Variants in ZNF236 observed in about 807,000 individuals in gnomAD.
ZNF236 encodes the protein zinc finger protein 236.
ZNF236 carries 50 observed loss-of-function variants against 191.2 expected under a neutral mutation model. The ratio of observed to expected loss-of-function variants is 0.26; its 90% CI spans 0.21 to 0.33. The LOEUF (loss-of-function observed/expected upper bound fraction) is 0.33. Among genes scored for constraint, ZNF236 ranks in the 10% least tolerant of loss-of-function variants. The pLI, the probability that ZNF236 is intolerant of heterozygous loss-of-function variation, is 1.00. For synonymous variants in ZNF236, 907 were observed against 928.8 expected (o/e 0.98, Z 0.43); for missense variants, 1,754 against 2,374.5 (o/e 0.74, Z 5.43).
chr18:76,961,842 G>A (rs566362444), intron 30 of ZNF236, among the ~76,000 whole-genome samples: 3 of 152,012 alleles, frequency 2.0e-5, no homozygotes, highest in Admixed American at 1.3e-4. Context: ...TTTTTCATAC[G>A]TTTGCTGGCC....
At chr18:76,956,294 G>A (rs910121837) in intron 28 of ZNF236, 112 bp downstream of exon 28, 56 of 1,284,498 alleles carry the variant, frequency 4.4e-5, no homozygotes, top group Non-Finnish European at 5.7e-5. Context: ...GGAAAAGGCC[G>A]GTTTTTGAGG....
In ZNF236 at chr18:76,869,211, C is replaced by T. The variant is rs532954085; in HGVS notation, c.542+348C>T. Among the ~76,000 whole-genome samples the T allele has an allele frequency of 1.2e-4, 19 of 152,272 alleles. No homozygotes were observed. The South Asian group carries it at 3.5e-3, about 28-fold the overall frequency. On this transcript the variant is annotated intron_variant, in intron 4 of 30. Transcript: ENST00000320610. ...AATAAATTAGTTTGTGGTACCCAAC[C>T]GTTAAAACTCATATGTGCCTGACAC...
intron 10 of ZNF236, among the ~76,000 whole-genome samples, chr18:76,897,001 A>C (rs1443239343): frequency 1.3e-5 from 2 of 151,712 alleles, no homozygotes; most frequent in Admixed American, 1.3e-4. Context: ...CTTAGGCATC[A>C]AACACAGTAC....
chr18:76,958,613 A>T (rs1968583299), intron 28 of ZNF236, among the ~76,000 whole-genome samples: 1 of 152,174 alleles, frequency 6.6e-6, no homozygotes, highest in African/African-American at 2.4e-5. Context: ...CCGCAGTTAC[A>T]TCCAACACAG....
In ZNF236 at chr18:76,910,312, AT is replaced by A. The variant is rs905867317; in HGVS notation, c.2653+152del. ...AAATAACTTTTTGCATGCATTGTAG[AT>A]TTTTTTTTATTGATGCATACTATTT... On this transcript the variant is annotated intron_variant, in intron 15 of 30. Transcript: ENST00000320610. 321 of 676,900 alleles carry A rather than the reference AT, an allele frequency of 4.7e-4. 1 individual carries two copies. Among genetic ancestry groups the A allele is most frequent in the South Asian group, 6.4e-4 (27 of 42,014 alleles). 41.9% of individuals were successfully genotyped at this position (676,900 alleles called of 1,614,324 possible).
intron 25 of ZNF236, chr18:76,936,292 G>T (rs1007246208): frequency 1.8e-5 from 8 of 455,870 alleles, no homozygotes; most frequent in African/African-American, 1.6e-4. Flanking sequence ...TGGATGGCTC[G>T]ACTGTGGGAT....
At chr18:76,822,956 C>T (rs868482370) in intron 1 of ZNF236, among the ~76,000 whole-genome samples, 185 of 148,566 alleles carry the variant, frequency 1.2e-3, no homozygotes, top group African/African-American at 4.4e-3. Context: ...GCCTCCTGCG[C>T]GCGCCCTGCC....
intron 1 of ZNF236, among the ~76,000 whole-genome samples, chr18:76,837,437 C>CTTTTTTTT (rs71760598): frequency 4.0e-4 from 42 of 105,852 alleles, no homozygotes; most frequent in African/African-American, 6.8e-4. Flanking sequence ...TTTTCTTTTT[C>CTTTTTTTT]TTTTTTTTTT....
At chr18:76,891,977 T>C (rs1394898960) in intron 9 of ZNF236, among the ~76,000 whole-genome samples, 1 of 152,176 alleles carries the variant, frequency 6.6e-6, no homozygotes, top group Admixed American at 6.5e-5. Flanking sequence ...AGATGCACTT[T>C]AGAATCTTCT....
chr18:76,822,759 G>A (rs2122339964), intron 1 of ZNF236, 97 bp downstream of exon 1: 2 of 145,230 alleles, frequency 1.4e-5, no homozygotes, highest in African/African-American at 4.9e-5. Flanking sequence ...CGCCGGGAGC[G>A]GCGGGGCGGG....
At chr18:76,962,745 T>A (rs940903198) in intron 30 of ZNF236, among the ~76,000 whole-genome samples, 1 of 152,224 alleles carries the variant, frequency 6.6e-6, no homozygotes, top group Non-Finnish European at 1.5e-5. Flanking sequence ...AGCAGTGTTT[T>A]GTAGTTTTCC....
intron 30 of ZNF236, among the ~76,000 whole-genome samples, chr18:76,962,281 C>G (rs1199510037): frequency 6.6e-6 from 1 of 152,150 alleles, no homozygotes; most frequent in African/African-American, 2.4e-5. Flanking sequence ...GTGTGGCTAG[C>G]CAATTATCCC....
chr18:76,908,347 G>A lies in ZNF236; in HGVS notation c.2325G>A (p.Gln775=), dbSNP rs1432523016. 6.8e-6 allele frequency: 11 copies of A among 1,613,854 alleles called. No individual in the cohort carries two copies. Among genetic ancestry groups the A allele is most frequent in the Admixed American group, 1.7e-5 (1 of 60,010 alleles). ...ATGAGCTTGCCCAGCAGCTCCAACA[G>A]CATCAGCAGGCAGCCTCGATAGATG... ...HRYELAQQLQ[Q]HQQAASIDDS... The change falls in exon 14 of 31, where the codon CAG becomes CAA. Residue 775 remains glutamine (Q), a synonymous_variant. Coordinates refer to ENST00000320610, the MANE Select transcript of ZNF236 (RefSeq NM_001306089.2).
chr18:76,961,429 GTTTC>G (rs1968665597), intron 30 of ZNF236, among the ~76,000 whole-genome samples: 1 of 150,990 alleles, frequency 6.6e-6, no homozygotes, highest in Non-Finnish European at 1.5e-5. Context: ...AAATACCACA[GTTTC>G]TTTATCCACT....
At chr18:76,835,560 T>C (rs1191641826) in intron 1 of ZNF236, among the ~76,000 whole-genome samples, 1 of 152,210 alleles carries the variant, frequency 6.6e-6, no homozygotes, top group East Asian at 1.9e-4. Flanking sequence ...TATCTAGTAA[T>C]GACTTTTGCC....
intron 19 of ZNF236, among the ~76,000 whole-genome samples, chr18:76,917,879 G>A (rs930233169): frequency 2.6e-5 from 4 of 151,908 alleles, no homozygotes; most frequent in South Asian, 2.1e-4. Flanking sequence ...GAATTTCTAC[G>A]AGATGGACAT....
At chr18:76,917,936 C>A (rs533185200) in intron 19 of ZNF236, among the ~76,000 whole-genome samples, 3 of 152,280 alleles carry the variant, frequency 2.0e-5, no homozygotes, top group African/African-American at 7.2e-5. Flanking sequence ...TCAACCCACA[C>A]CCTCGCTGTC....
intron 16 of ZNF236, 87 bp downstream of exon 16, chr18:76,910,898 GGGAAATTTTAAGA>G: frequency 6.7e-7 from 1 of 1,490,520 alleles, no homozygotes; most frequent in Non-Finnish European, 9.1e-7. Flanking sequence ...ATTTCCTTAA[GGGAAATTTTAAGA>G]GGCATGCTCA....
intron 25 of ZNF236, among the ~76,000 whole-genome samples, chr18:76,933,264 T>C (rs1599407266): frequency 6.6e-6 from 1 of 151,786 alleles, no homozygotes; most frequent in Non-Finnish European, 1.5e-5. Flanking sequence ...AGGTCAGGAG[T>C]TTGAGACCAG....
Sources: gnomAD v4.1 joint callset for allele counts (sites outside exome capture counted in the v4.1 genomes callset) on GRCh38, gnomAD v4.1.1 for gene constraint, MANE v1.5 for transcripts, NCBI Gene and HGNC (gene_info 2026-07-23, HGNC 2026-07-21) for gene names.